CDH22: variants seen among roughly 807,000 people sequenced by gnomAD.
The protein encoded by CDH22 is cadherin 22, also known as cadherin-22.
Under a neutral mutation model 58.4 loss-of-function variants are expected in CDH22, and 30 were observed. The observed-to-expected ratio is 0.51, with a 90% CI of 0.38 to 0.70. CDH22 has a LOEUF of 0.70. Among genes scored for constraint, CDH22 ranks in the 30% least tolerant of loss-of-function variants. CDH22 has a pLI of 0.00. For missense variants in CDH22, 1,014 were observed against 1,233.9 expected, an observed-to-expected ratio of 0.82 and a Z score of 2.67; for synonymous variants, 513 against 558.2, an observed-to-expected ratio of 0.92 and a Z score of 1.14.
chr20:46,284,465 T>C (rs550197216), intron 1 of CDH22, among the ~76,000 whole-genome samples: 1 of 152,322 alleles, frequency 6.6e-6, no homozygotes, highest in Non-Finnish European at 1.5e-5. Flanking sequence ...GGAACATTTA[T>C]TGAATCCCTG....
chr20:46,212,273 T>C (rs759298028), intron 6 of CDH22, among the ~76,000 whole-genome samples: 15 of 145,568 alleles, frequency 1.0e-4, no homozygotes, highest in Non-Finnish European at 1.8e-4. Flanking sequence ...TCGCTGGAGA[T>C]ATACAAACAA....
intron 4 of CDH22, 88 bp downstream of exon 4, chr20:46,227,420 T>C: frequency 7.8e-7 from 1 of 1,279,140 alleles, no homozygotes; most frequent in Non-Finnish European, 1.1e-6. Context: ...GACAGAAGGC[T>C]CAGAGCAGAC....
chr20:46,249,310 G>A (rs1038322124), intron 2 of CDH22, among the ~76,000 whole-genome samples: 20 of 152,154 alleles, frequency 1.3e-4, no homozygotes, highest in Non-Finnish European at 5.9e-5. Flanking sequence ...CATTCTACCA[G>A]CGTCACCATC....
intron 7 of CDH22, among the ~76,000 whole-genome samples, chr20:46,203,609 C>T (rs1309484251): frequency 3.9e-5 from 6 of 152,158 alleles, no homozygotes; most frequent in African/African-American, 7.2e-5. Flanking sequence ...TGTAAGTTGT[C>T]GGGAGAATGA....
At position 46,210,027 on chromosome 20, in the gene CDH22, T is replaced by G; in HGVS notation, c.1286+280A>C. On this transcript the variant is annotated intron_variant, in intron 7 of 11. Coordinates refer to ENST00000537909, the MANE Select transcript of CDH22 (RefSeq NM_021248.3). This position sits in a 1 kb window ranked among gnomAD's most constrained non-coding sequence, Gnocchi z 4.5. ...GCCAGCAGCGCGGAGACCCCGCCAGTGCAGTGCCCGCCTCTGTGTCTGTCC... is the reference window on the plus strand; with the variant it reads ...GCCAGCAGCGCGGAGACCCCGCCAGGGCAGTGCCCGCCTCTGTGTCTGTCC... 1 of 365,892 alleles carries G rather than the reference T, an allele frequency of 2.7e-6. No individual in the cohort carries two copies. Among genetic ancestry groups the G allele is most frequent in the Non-Finnish European group, 4.9e-6 (1 of 203,382 alleles). 22.7% of individuals were successfully genotyped at this position (365,892 alleles called of 1,614,324 possible). A position where few individuals can be genotyped will look rare whatever the true frequency, so the allele number is the denominator to read the frequency against.
chr20:46,298,462 A>G (rs896839821), intron 1 of CDH22, among the ~76,000 whole-genome samples: 2 of 152,158 alleles, frequency 1.3e-5, no homozygotes, highest in Non-Finnish European at 2.9e-5. Context: ...ATGAGGGTGG[A>G]GAGACAGGTA....
chr20:46,200,177 T>C (rs1354469235), intron 7 of CDH22, among the ~76,000 whole-genome samples: 1 of 151,416 alleles, frequency 6.6e-6, no homozygotes, highest in Non-Finnish European at 1.5e-5. Flanking sequence ...GGTTTCACCG[T>C]GTTAGCCAGG....
chr20:46,243,902 G>A (rs2145729443), intron 2 of CDH22, among the ~76,000 whole-genome samples: 1 of 152,284 alleles, frequency 6.6e-6, no homozygotes, highest in Non-Finnish European at 1.5e-5. Context: ...GGCACAGAGA[G>A]GGGAAGTCAT....
At chr20:46,278,438 T>TG (rs1185676997) in intron 1 of CDH22, among the ~76,000 whole-genome samples, 6 of 152,202 alleles carry the variant, frequency 3.9e-5, no homozygotes, top group African/African-American at 1.4e-4. Context: ...CTTCCAGTCC[T>TG]GCCTCTGCCA....
At chr20:46,261,434 T>TGGCA (rs1386578421) in intron 1 of CDH22, among the ~76,000 whole-genome samples, 7 of 152,180 alleles carry the variant, frequency 4.6e-5, no homozygotes, top group African/African-American at 1.7e-4. Context: ...GCAGCCTGAG[T>TGGCA]CAAGAAGAGT....
rs114341336 is a variant in CDH22, at chr20:46,282,831, C to T, written c.-400+25424G>A. ...GGACGCTGGAACCCGTAATCCCTGC[C>T]TAATTCTGGGCGTCACCATTTGTCA... On this transcript the variant is annotated intron_variant, in intron 1 of 11. Coordinates refer to ENST00000537909, the MANE Select transcript of CDH22 (RefSeq NM_021248.3). 1.7e-3 allele frequency among the ~76,000 whole-genome samples: 261 copies of T among 152,234 alleles called. 1 individual carries two copies. In the Middle Eastern group the frequency reaches 0.02, roughly 12 times the overall value.
At chr20:46,293,865 A>G (rs891784437) in intron 1 of CDH22, among the ~76,000 whole-genome samples, 1 of 152,130 alleles carries the variant, frequency 6.6e-6, no homozygotes, top group African/African-American at 2.4e-5. Flanking sequence ...AATACAAAAA[A>G]TTAGCCAGCC....
chr20:46,261,437 A>G (rs983001906), intron 1 of CDH22, among the ~76,000 whole-genome samples: 1 of 152,224 alleles, frequency 6.6e-6, no homozygotes, highest in East Asian at 1.9e-4. Context: ...GCCTGAGTCA[A>G]GAAGAGTGAA....
chr20:46,246,257 T>C (rs757360444), intron 2 of CDH22, among the ~76,000 whole-genome samples: 9 of 152,102 alleles, frequency 5.9e-5, no homozygotes, highest in Non-Finnish European at 1.3e-4. Flanking sequence ...GGATGAGGGG[T>C]CTGTTCACGA....
chr20:46,217,046 T>A, intron 4 of CDH22, 53 bp from the exon 5 acceptor site: 3 of 1,539,490 alleles, frequency 1.9e-6, no homozygotes, highest in Non-Finnish European at 2.7e-6. Context: ...TGCCCACTGA[T>A]GTGGAGACCC....
At chr20:46,250,915 C>G in intron 2 of CDH22, 125 bp downstream of exon 2, 1 of 626,554 alleles carries the variant, frequency 1.6e-6, no homozygotes, top group Non-Finnish European at 2.8e-6. Context: ...CAGTCCTTGG[C>G]TAGGGAGCAG....
At chr20:46,178,260 C>T in intron 10 of CDH22, 63 bp from the exon 11 acceptor site, 1 of 1,562,146 alleles carries the variant, frequency 6.4e-7, no homozygotes, top group South Asian at 1.2e-5. Context: ...TTGTCCTAGC[C>T]ACCTCCTGAT....
At chr20:46,178,223 G>A (rs1255728599) in intron 10 of CDH22, 26 bp from the exon 11 acceptor site, 7 of 1,601,278 alleles carry the variant, frequency 4.4e-6, no homozygotes, top group Admixed American at 1.7e-5. Context: ...GGGGAGCGGT[G>A]TGACTTGGGG....
At chr20:46,181,740 C>T (rs10211676) in intron 10 of CDH22, among the ~76,000 whole-genome samples, 8 of 38,706 alleles carry the variant, frequency 2.1e-4, no homozygotes, top group Non-Finnish European at 2.9e-4. Context: ...TCCTTCCTTC[C>T]TTCCTTCCTT....
Sources: gnomAD v4.1 joint callset for allele counts (sites outside exome capture counted in the v4.1 genomes callset) on GRCh38, gnomAD v4.1.1 for gene constraint, Gnocchi (gnomAD v3.1) non-coding constraint, MANE v1.5 for transcripts, NCBI Gene and HGNC (gene_info 2026-07-23, HGNC 2026-07-21) for gene names.